Variants in ALDH8A1 observed in about 807,000 individuals in gnomAD.
The protein encoded by ALDH8A1 is 2-aminomuconic semialdehyde dehydrogenase.
ALDH8A1 carries 39 observed loss-of-function variants against 43.3 expected under a neutral mutation model. That is an observed-to-expected ratio of 0.90 (90% confidence interval 0.70 to 1.18). The LOEUF (loss-of-function observed/expected upper bound fraction) is 1.18, where lower values mean the gene tolerates loss of function less well. ALDH8A1 is among the 50% of genes most tolerant of loss of function. The probability of loss-of-function intolerance (pLI) is 0.00; values close to 1 mark genes in which losing one functional copy is unlikely to be tolerated. For synonymous variants in ALDH8A1, 233 were observed against 243.5 expected, an observed-to-expected ratio of 0.96 and a Z score of 0.40; for missense variants, 605 against 622.6, an observed-to-expected ratio of 0.97 and a Z score of 0.30.
At chr6:134,942,116 A>G (rs939527464) in intron 3 of ALDH8A1, 10 of 193,236 alleles carry the variant, frequency 5.2e-5, no homozygotes, top group Non-Finnish European at 7.3e-5. Flanking sequence ...GGTACTCAGG[A>G]GGCTGAGACT....
Position 134,918,254 on chromosome 6 carries a change from C to T in ALDH8A1, c.*161G>A. On this transcript the variant is annotated 3_prime_UTR_variant, in exon 7 of 7. Transcript: ENST00000265605. ...ACATTGAAAATAGACAGTATCTCTTCACTAGTGGGTAAAGTTACTAAGAAC... is the reference window on the plus strand; with the variant it reads ...ACATTGAAAATAGACAGTATCTCTTTACTAGTGGGTAAAGTTACTAAGAAC... The T allele has an allele frequency of 1.5e-6, 1 of 665,398 alleles. No homozygotes were observed. The highest frequency in any genetic ancestry group is 2.5e-6 in the Non-Finnish European group (1 of 392,858). The allele number at this position is 665,398 out of a possible 1,614,324, so 41.2% of individuals were successfully genotyped here. A position where few individuals can be genotyped will look rare whatever the true frequency, so the allele number is the denominator to read the frequency against.
At chr6:134,921,972 C>T (rs200333975) in intron 6 of ALDH8A1, among the ~76,000 whole-genome samples, 2 of 152,368 alleles carry the variant, frequency 1.3e-5, no homozygotes, top group South Asian at 2.1e-4. Flanking sequence ...AGGGCTTTCT[C>T]GCTAGAACTG....
chr6:134,937,619 G>A (rs1430613196), intron 4 of ALDH8A1, among the ~76,000 whole-genome samples: 7 of 152,196 alleles, frequency 4.6e-5, no homozygotes, highest in Admixed American at 4.6e-4. Flanking sequence ...TTGGTCTCAG[G>A]AGAGAGTGGT....
chr6:134,944,060 T>TTTTTG (rs4646872), intron 1 of ALDH8A1, 94 bp from the exon 2 acceptor site: 409,503 of 1,296,402 alleles, frequency 0.32, 74,145 homozygotes, highest in Non-Finnish European at 0.32. Context: ...ACACACCTCA[T>TTTTTG]TTTTGTTTTG....
At position 134,939,381 on chromosome 6, in the gene ALDH8A1, G is replaced by C. The variant is rs747503084; in HGVS notation, c.477C>G (p.Tyr159Ter). 8 of 1,614,214 alleles carry C rather than the reference G, an allele frequency of 5.0e-6. No individual in the cohort carries two copies. In the South Asian group the frequency reaches 8.8e-5, roughly 18 times the overall value. Residue 159 changes from tyrosine to a stop codon, truncating the protein, a stop_gained, in exon 4 of 7, where the codon TAC (tyrosine) becomes TAG (stop). Coordinates refer to ENST00000265605, the MANE Select transcript of ALDH8A1 (RefSeq NM_022568.4). LOFTEE classifies it high-confidence loss of function. ...CTGGAGCTATCTTCCAGGTCAGCAA[G>C]TAGAGTGGCAAATTCCAGGGGCTGA... ...GLISPWNLPLYLLTWKIAPAM... is the reference protein window; with the variant it reads ...GLISPWNLPL
chr6:134,937,354 A>G (rs988917226), intron 4 of ALDH8A1, among the ~76,000 whole-genome samples: 2 of 152,210 alleles, frequency 1.3e-5, no homozygotes, highest in African/African-American at 2.4e-5. Context: ...TGTGGTTCGC[A>G]TTCCTTCCAA....
At chr6:134,935,181 C>T (rs991174511) in intron 4 of ALDH8A1, among the ~76,000 whole-genome samples, 1 of 152,202 alleles carries the variant, frequency 6.6e-6, no homozygotes, top group Non-Finnish European at 1.5e-5. Flanking sequence ...ATGCATGAAC[C>T]TTATGATTCT....
At position 134,918,505 on chromosome 6, in the gene ALDH8A1, C is replaced by T; in HGVS notation, c.1374G>A (p.Gly458=). Residue 458 remains glycine (G), a synonymous_variant, in exon 7 of 7, where the codon GGG becomes GGA. Transcript: ENST00000265605. ...TACCTATTCCAGAACTCTTCATCCC[C>T]CCGAAAGGAAGGTTCAGCTCCCTGA... ...WLIRELNLPF[G]GMKSSGIGRE... is the part of the protein sequence containing the mutation. The T allele has an allele frequency of 9.9e-6, 16 of 1,614,150 alleles. No individual in the cohort carries two copies. The highest frequency in any genetic ancestry group is 1.2e-5 in the Non-Finnish European group (14 of 1,180,034).
At chr6:134,943,595 T>G (rs1773898921) in intron 2 of ALDH8A1, among the ~76,000 whole-genome samples, 2 of 152,186 alleles carry the variant, frequency 1.3e-5, no homozygotes, top group Non-Finnish European at 1.5e-5. Context: ...CCCCTCAGCT[T>G]TTGGATCCAG....
chr6:134,928,977 G>T, intron 6 of ALDH8A1, 77 bp downstream of exon 6: 1 of 1,480,080 alleles, frequency 6.8e-7, no homozygotes, highest in Non-Finnish European at 9.1e-7. Flanking sequence ...TTCAGAGTCT[G>T]ATTGTGCTAT....
chr6:134,921,966 CTT>C (rs1201053684), intron 6 of ALDH8A1, among the ~76,000 whole-genome samples: 1 of 152,258 alleles, frequency 6.6e-6, no homozygotes, highest in Non-Finnish European at 1.5e-5. Flanking sequence ...GACAGCAGGG[CTT>C]TCTCGCTAGA....
At chr6:134,921,563 A>G (rs1472481178) in intron 6 of ALDH8A1, among the ~76,000 whole-genome samples, 2 of 152,240 alleles carry the variant, frequency 1.3e-5, no homozygotes, top group Admixed American at 6.5e-5. Flanking sequence ...CTGTATCTCC[A>G]TAAGTCCTTG....
intron 5 of ALDH8A1, among the ~76,000 whole-genome samples, chr6:134,930,058 G>A (rs192416282): frequency 1.4e-4 from 21 of 152,322 alleles, no homozygotes; most frequent in Admixed American, 7.2e-4. Flanking sequence ...AGGGGCACGG[G>A]ACCTCCGAAG....
In ALDH8A1 at chr6:134,950,086, A is replaced by G. The variant is rs1774020287; in HGVS notation, c.-33T>C. ...AAAAATTCTGCCTTTCCTCTTTACGACTGAGCACTCAGGTTGTCCCCACCA... is the reference window on the plus strand; with the variant it reads ...AAAAATTCTGCCTTTCCTCTTTACGGCTGAGCACTCAGGTTGTCCCCACCA... On this transcript the variant is annotated 5_prime_UTR_variant, in exon 1 of 7. Transcript: ENST00000265605. 1.3e-6 allele frequency: 2 copies of G among 1,579,680 alleles called. No individual in the cohort carries two copies. Among genetic ancestry groups the G allele is most frequent in the African/African-American group, 1.3e-5 (1 of 74,212 alleles).
chr6:134,935,473 T>C (rs952957546), intron 4 of ALDH8A1, among the ~76,000 whole-genome samples: 2 of 152,218 alleles, frequency 1.3e-5, no homozygotes, highest in Non-Finnish European at 2.9e-5. Context: ...AAATGGTTCA[T>C]GAATGGGGAA....
At chr6:134,942,736 A>T (rs1008561694) in intron 2 of ALDH8A1, among the ~76,000 whole-genome samples, 172 bp from the exon 3 acceptor site, 1 of 152,172 alleles carries the variant, frequency 6.6e-6, no homozygotes, top group Admixed American at 6.5e-5. Context: ...AAAACCATAC[A>T]ATATTTAGGT....
intron 4 of ALDH8A1, among the ~76,000 whole-genome samples, chr6:134,938,262 G>A (rs1773784777): frequency 6.6e-6 from 1 of 152,216 alleles, no homozygotes; most frequent in Non-Finnish European, 1.5e-5. Context: ...CTCACATTAA[G>A]GGGACTTCTC....
intron 3 of ALDH8A1, among the ~76,000 whole-genome samples, chr6:134,939,847 G>C (rs900378631): frequency 1.3e-5 from 2 of 152,156 alleles, no homozygotes; most frequent in African/African-American, 4.8e-5. Flanking sequence ...TAATGGATTG[G>C]ATAAGAATAT....
At chr6:134,924,064 C>T (rs1192845646) in intron 6 of ALDH8A1, among the ~76,000 whole-genome samples, 3 of 152,186 alleles carry the variant, frequency 2.0e-5, no homozygotes, top group Non-Finnish European at 4.4e-5. Context: ...CCGAGGGAAA[C>T]CAAGCTCTCC....
Sources: gnomAD v4.1 joint callset for allele counts (sites outside exome capture counted in the v4.1 genomes callset) on GRCh38, gnomAD v4.1.1 for gene constraint, MANE v1.5 for transcripts, NCBI Gene and HGNC (gene_info 2026-07-23, HGNC 2026-07-21) for gene names.